ACTR8: variants seen among roughly 807,000 people sequenced by gnomAD.
The protein encoded by ACTR8 is actin related protein 8.
In ACTR8, 70 loss-of-function variants were observed where a neutral mutation model predicts 84.3. That is an observed-to-expected ratio of 0.83 (90% CI 0.68 to 1.01). The LOEUF (loss-of-function observed/expected upper bound fraction) is 1.01, where lower values mean the gene tolerates loss of function less well. Among genes scored for constraint, ACTR8 ranks in the 50% least tolerant of loss-of-function variants. The pLI is 0.00. For missense variants in ACTR8, 672 were observed against 775.4 expected, an observed-to-expected ratio of 0.87 and a Z score of 1.58; for synonymous variants, 268 against 275.2, an observed-to-expected ratio of 0.97 and a Z score of 0.26.
chr3:53,876,752 G>A lies in ACTR8; in HGVS notation c.685-39C>T, dbSNP rs771884306. The A allele has an allele frequency of 2.4e-5, 26 of 1,105,072 alleles. No homozygotes were observed. In the South Asian group the frequency reaches 3.4e-4, roughly 14 times the overall value. The allele number at this position is 1,105,072 out of a possible 1,614,324, so 68.5% of individuals were successfully genotyped here. On this transcript the variant is annotated intron_variant, in intron 5 of 12. Transcript: ENST00000335754. The stretch of plus-strand genomic sequence containing the variant: ...CAAAGATAAAAGGGTTAGCACTCAA[G>A]TCTAGTCAGGTCAAATTCACACTCC...
chr3:53,876,020 C>T lies in ACTR8; in HGVS notation c.839G>A (p.Cys280Tyr), dbSNP rs1699959666. The T allele has an allele frequency of 6.2e-6, 10 of 1,614,040 alleles. No individual in the cohort carries two copies. The highest frequency in any genetic ancestry group is 1.3e-5 in the African/African-American group (1 of 74,906). Residue 280 changes from cysteine to tyrosine, a missense_variant, in exon 7 of 13, where the codon TGT becomes TAT. Transcript: ENST00000335754. ...ATYGSGLSST[C>Y]IVDVGDQKTS... The stretch of plus-strand genomic sequence containing the variant: ...CTTCTGGTCCCCAACGTCTACAATA[C>T]ACGTGCTGCTTAAGCCACTTCCATA...
In ACTR8 at chr3:53,867,496, G is replaced by C. The variant is rs1322540840; in HGVS notation, c.*1223C>G. The C allele has an allele frequency of 6.6e-6, 1 of 152,184 alleles. No homozygotes were observed. The allele number at this position is 152,184 out of a possible 1,614,324, so 9.4% of individuals were successfully genotyped here. A position where few individuals can be genotyped will look rare whatever the true frequency, so the allele number is the denominator to read the frequency against. On this transcript the variant is annotated 3_prime_UTR_variant, in exon 13 of 13. Transcript: ENST00000335754. ...TACTCCCATTGATACAAAATGCTCA[G>C]GTACCGGCATTTCTCCACATCCAGA... is the stretch of plus-strand genomic sequence containing the variant.
intron 7 of ACTR8, 37 bp downstream of exon 7, chr3:53,875,911 A>C: frequency 1.2e-6 from 2 of 1,613,112 alleles, no homozygotes; most frequent in Non-Finnish European, 1.7e-6. Flanking sequence ...TTATGAGGGA[A>C]GAGGAAACAG....
chr3:53,868,715 C>G lies in ACTR8; in HGVS notation c.*4G>C. On this transcript the variant is annotated 3_prime_UTR_variant, in exon 13 of 13. Coordinates refer to ENST00000335754, the MANE Select transcript of ACTR8 (RefSeq NM_022899.5). ...GGTCTTCGGCAGTGACATTTCCTCC[C>G]CATTCACCACACAAACGCAGCCCGC... The G allele has an allele frequency of 2.5e-6, 4 of 1,613,694 alleles. No individual in the cohort carries two copies. The highest frequency in any genetic ancestry group is 3.4e-6 in the Non-Finnish European group (4 of 1,179,794).
chr3:53,860,289 T>A, the ACTR8 span: 10 of 1,374,838 alleles, frequency 7.3e-6, no homozygotes, highest in African/African-American at 2.9e-5. Context: ...AATTTTTTTT[T>A]AAAGAAGATT....
Position 53,870,192 on chromosome 3 carries a change from A to T in ACTR8, c.1568-47T>A. On this transcript the variant is annotated intron_variant, in intron 11 of 12. Coordinates refer to ENST00000335754, the MANE Select transcript of ACTR8 (RefSeq NM_022899.5). This position sits in a 1 kb window ranked among gnomAD's most constrained non-coding sequence, Gnocchi z 4.1. ...TCCATGCTTTTTTCTCCACATCCAT[A>T]ATTCTAGGCCAAGCCACCAACACCT... The T allele has an allele frequency of 6.3e-7, 1 of 1,594,016 alleles. No individual in the cohort carries two copies. Among genetic ancestry groups the T allele is most frequent in the Non-Finnish European group, 8.6e-7 (1 of 1,166,552 alleles).
intron 7 of ACTR8, among the ~76,000 whole-genome samples, chr3:53,874,682 C>T (rs1320600081): frequency 2.0e-5 from 3 of 151,432 alleles, no homozygotes; most frequent in Non-Finnish European, 2.9e-5. Flanking sequence ...CAAGAGGTCA[C>T]GCCACTGCAC....
Position 53,867,391 on chromosome 3 carries a change from C to G in ACTR8, c.*1328G>C, listed in dbSNP as rs1699808788. 1 of 152,132 alleles carries G rather than the reference C, an allele frequency of 6.6e-6. No homozygotes were observed. The highest frequency in any genetic ancestry group is 1.5e-5 in the Non-Finnish European group (1 of 68,034). The allele number at this position is 152,132 out of a possible 1,614,324, so 9.4% of individuals were successfully genotyped here. The stretch of plus-strand genomic sequence containing the variant: ...AATTTTCAAATTGAAGGCACACATC[C>G]CAGTTGGTACTGGCAAGTTTAAATT... On this transcript the variant is annotated 3_prime_UTR_variant, in exon 13 of 13. Transcript: ENST00000335754.
chr3:53,862,046 A>G, the ACTR8 span, among the ~76,000 whole-genome samples: 4 of 152,206 alleles, frequency 2.6e-5, no homozygotes, highest in African/African-American at 7.2e-5. Context: ...TTGGTTGTAC[A>G]ATAAGAAGGC....
At chr3:53,862,510 A>C (rs978113692), downstream of ACTR8, among the ~76,000 whole-genome samples, 14 of 152,238 alleles carry the variant, frequency 9.2e-5, no homozygotes, top group Non-Finnish European at 1.8e-4. Flanking sequence ...GAGCCAATCA[A>C]GGAAAGAGAT....
intron 11 of ACTR8, 97 bp downstream of exon 11, chr3:53,871,135 A>T: frequency 1.4e-6 from 2 of 1,469,914 alleles, no homozygotes; most frequent in Non-Finnish European, 1.8e-6. Context: ...TTTTCAATGA[A>T]TATGTTATAC....
In ACTR8 at chr3:53,868,670, A is replaced by C. The variant is rs368263560; in HGVS notation, c.*49T>G. ...TACACATATTCTGTAAGAGTCTTTT[A>C]TACCAAGAAGCTTGTTTTTGGTCTT... On this transcript the variant is annotated 3_prime_UTR_variant, in exon 13 of 13. Transcript: ENST00000335754. 5 of 1,602,128 alleles carry C rather than the reference A, an allele frequency of 3.1e-6. No individual in the cohort carries two copies. The highest frequency in any genetic ancestry group is 4.3e-6 in the Non-Finnish European group (5 of 1,174,270).
At position 53,868,560 on chromosome 3, in the gene ACTR8, T is replaced by G; in HGVS notation, c.*159A>C. The G allele has an allele frequency of 8.5e-7, 1 of 1,179,010 alleles. No homozygotes were observed. The highest frequency in any genetic ancestry group is 1.2e-6 in the Non-Finnish European group (1 of 858,288). 73.0% of individuals were successfully genotyped at this position (1,179,010 alleles called of 1,614,324 possible). Reference sequence around the variant, plus strand: ...AAACTGCTCAAAAGCAGTTTATATTTTCAAACCAATGTCATGTCCTCAACA... The same window carrying G: ...AAACTGCTCAAAAGCAGTTTATATTGTCAAACCAATGTCATGTCCTCAACA... On this transcript the variant is annotated 3_prime_UTR_variant, in exon 13 of 13. Coordinates refer to ENST00000335754, the MANE Select transcript of ACTR8 (RefSeq NM_022899.5).
At chr3:53,881,592 G>A (rs532861754) in intron 1 of ACTR8, 151 of 314,392 alleles carry the variant, frequency 4.8e-4, no homozygotes, top group African/African-American at 3.3e-3. Context: ...CGCTCCCAGT[G>A]AGCCAGCCTG....
rs1168135890 is a variant in ACTR8 at position 53,877,265 on chromosome 3, T to C, written c.633A>G (p.Ile211Met). ...LTAVLADIEV[I>M]WSHAIQKYLE... ...AGTATTTTTGTATCGCATGAGACCA[T>C]ATTACTTCAATATCTGCCAGAACAG... Residue 211 changes from isoleucine to methionine, a missense_variant, in exon 5 of 13, where the codon ATA becomes ATG. Transcript: ENST00000335754. 3.7e-6 allele frequency: 6 copies of C among 1,613,866 alleles called. No individual in the cohort carries two copies. The highest frequency in any genetic ancestry group is 5.1e-6 in the Non-Finnish European group (6 of 1,179,934).
chr3:53,877,883 G>A, intron 3 of ACTR8, 132 bp from the exon 4 acceptor site: 1 of 682,726 alleles, frequency 1.5e-6, no homozygotes, highest in South Asian at 2.0e-5. Context: ...GCAAAATATT[G>A]ACTGGCTGCA....
chr3:53,877,460 A>T (rs1300967457), intron 4 of ACTR8, 73 bp from the exon 5 acceptor site: 2 of 1,457,288 alleles, frequency 1.4e-6, no homozygotes, highest in East Asian at 4.7e-5. Flanking sequence ...CATATCCAAA[A>T]ATCTAACTAA....
chr3:53,877,409 G>T, intron 4 of ACTR8, 22 bp from the exon 5 acceptor site: 1 of 1,570,250 alleles, frequency 6.4e-7, no homozygotes, highest in Non-Finnish European at 8.6e-7. Context: ...GGAGGGAGAT[G>T]AGTACTTTGT....
intron 8 of ACTR8, 160 bp from the exon 9 acceptor site, chr3:53,873,287 T>C: frequency 2.2e-6 from 1 of 461,782 alleles, no homozygotes; most frequent in East Asian, 3.2e-5. Flanking sequence ...GGAATTAAGT[T>C]GTACTTTGTT....
Sources: allele counts gnomAD v4.1 joint callset (sites outside exome capture counted in the v4.1 genomes callset), GRCh38; gene constraint gnomAD v4.1.1; non-coding constraint Gnocchi (gnomAD v3.1); transcripts MANE v1.5; gene names NCBI Gene and HGNC (gene_info 2026-07-23, HGNC 2026-07-21).